GPC5: variants seen among roughly 807,000 people sequenced by gnomAD.
The protein encoded by GPC5 is glypican 5.
Under a neutral mutation model 53.9 loss-of-function variants are expected in GPC5, and 47 were observed. The ratio of observed to expected loss-of-function variants is 0.87; its 90% CI spans 0.69 to 1.11. GPC5 has a LOEUF of 1.11. Ranked by LOEUF, GPC5 falls within the 50% of genes most tolerant of loss-of-function variation. The probability of loss-of-function intolerance (pLI) is 0.00; values close to 1 mark genes in which losing one functional copy is unlikely to be tolerated. For missense variants in GPC5, 748 were observed against 713.1 expected (o/e 1.05, Z -0.56); for synonymous variants, 286 against 263.3 (o/e 1.09, Z -0.84).
At chr13:92,169,802 G>T (rs932841301) in intron 7 of GPC5, among the ~76,000 whole-genome samples, 16 of 151,972 alleles carry the variant, frequency 1.1e-4, no homozygotes, top group African/African-American at 3.6e-4. Flanking sequence ...TTCTTAGTGA[G>T]AAAATTAAAA....
chr13:91,454,474 C>A (rs1881401541), intron 2 of GPC5, among the ~76,000 whole-genome samples: 1 of 151,926 alleles, frequency 6.6e-6, no homozygotes, highest in Admixed American at 6.6e-5. Context: ...TGAAACAGTT[C>A]TTGATTTTAT....
At chr13:91,474,936 A>G (rs182627993) in intron 2 of GPC5, among the ~76,000 whole-genome samples, 7 of 152,164 alleles carry the variant, frequency 4.6e-5, no homozygotes, top group Admixed American at 1.3e-4. Context: ...ATAATATATT[A>G]ATGCTCTGGT....
At chr13:91,878,751 G>A (rs148710940) in intron 5 of GPC5, among the ~76,000 whole-genome samples, 34 of 152,212 alleles carry the variant, frequency 2.2e-4, no homozygotes, top group African/African-American at 7.9e-4. Flanking sequence ...ATGATTGTAA[G>A]TTTCCTGAGA....
chr13:92,696,511 G>A (rs1199851104), intron 7 of GPC5, among the ~76,000 whole-genome samples: 1 of 152,154 alleles, frequency 6.6e-6, no homozygotes, highest in African/African-American at 2.4e-5. Context: ...AGAAGCATCT[G>A]TTCATAGCCT....
At chr13:92,296,984 C>T (rs879914454) in intron 7 of GPC5, among the ~76,000 whole-genome samples, 16 of 152,220 alleles carry the variant, frequency 1.1e-4, no homozygotes, top group Admixed American at 2.0e-4. Flanking sequence ...CGAGCCTCCC[C>T]GACGAGCACC....
At chr13:92,169,945 A>G (rs2042057630) in intron 7 of GPC5, among the ~76,000 whole-genome samples, 1 of 152,012 alleles carries the variant, frequency 6.6e-6, no homozygotes, top group African/African-American at 2.4e-5. Context: ...ATATTTTCTT[A>G]ATTTAAAATA....
chr13:91,436,779 C>T (rs1385025658), intron 1 of GPC5, among the ~76,000 whole-genome samples: 1 of 152,114 alleles, frequency 6.6e-6, no homozygotes, highest in Non-Finnish European at 1.5e-5. Flanking sequence ...CTAATGTTGA[C>T]AGTGGGGTGT....
chr13:91,696,435 C>G (rs1202085068), intron 3 of GPC5, among the ~76,000 whole-genome samples: 2 of 152,054 alleles, frequency 1.3e-5, no homozygotes, highest in Non-Finnish European at 2.9e-5. Context: ...TTTTAAATTC[C>G]TTGAAAATTG....
At chr13:91,455,105 T>C (rs1397409086) in intron 2 of GPC5, among the ~76,000 whole-genome samples, 1 of 152,134 alleles carries the variant, frequency 6.6e-6, no homozygotes, top group Admixed American at 6.6e-5. Flanking sequence ...TGACGTTTAT[T>C]CATTCTTCTG....
At chr13:91,541,603 T>TA (rs2029931673) in intron 2 of GPC5, among the ~76,000 whole-genome samples, 1 of 152,098 alleles carries the variant, frequency 6.6e-6, no homozygotes, top group Admixed American at 6.5e-5. Context: ...TATTCTTCAG[T>TA]ATAAATATTA....
chr13:91,770,243 C>A (rs1244790662), intron 5 of GPC5, among the ~76,000 whole-genome samples: 14 of 152,096 alleles, frequency 9.2e-5, no homozygotes, highest in Admixed American at 9.2e-4. Flanking sequence ...TGCCATCCTC[C>A]CAGCATTTTC....
intron 6 of GPC5, among the ~76,000 whole-genome samples, chr13:92,080,707 TA>T (rs2041288253): frequency 6.6e-6 from 1 of 152,232 alleles, no homozygotes; most frequent in Non-Finnish European, 1.5e-5. Flanking sequence ...TCTTAAAATA[TA>T]ATTCTCATGG....
intron 7 of GPC5, among the ~76,000 whole-genome samples, chr13:92,488,785 A>G (rs958611132): frequency 6.6e-6 from 1 of 152,224 alleles, no homozygotes; most frequent in African/African-American, 2.4e-5. Flanking sequence ...AAGCTTTGAA[A>G]GTGAAATTGA....
intron 7 of GPC5, among the ~76,000 whole-genome samples, chr13:92,524,419 GTCTA>G (rs1431000027): frequency 3.3e-5 from 5 of 152,160 alleles, no homozygotes; most frequent in Non-Finnish European, 7.4e-5. Context: ...AGGAAAAAAA[GTCTA>G]TCTATGTTCA....
At chr13:91,594,826 T>C (rs974770979) in intron 2 of GPC5, among the ~76,000 whole-genome samples, 3 of 151,774 alleles carry the variant, frequency 2.0e-5, no homozygotes, top group African/African-American at 7.3e-5. Flanking sequence ...CTAGAGGGCA[T>C]ACCACCATCT....
chr13:92,590,930 G>A (rs778102469), intron 7 of GPC5, among the ~76,000 whole-genome samples: 1 of 152,056 alleles, frequency 6.6e-6, no homozygotes. Flanking sequence ...ATGTGCCCTG[G>A]CCCTGTCCTT....
intron 7 of GPC5, among the ~76,000 whole-genome samples, chr13:92,541,099 T>G (rs1038421483): frequency 3.9e-5 from 6 of 152,004 alleles, no homozygotes; most frequent in African/African-American, 1.2e-4. Context: ...TTTATGAAGG[T>G]TATGGCATAG....
chr13:92,770,797 C>T (rs916529454), intron 7 of GPC5, among the ~76,000 whole-genome samples: 1 of 152,120 alleles, frequency 6.6e-6, no homozygotes, highest in Non-Finnish European at 1.5e-5. Context: ...TTATTTCAAC[C>T]TTCCGTTTTA....
At chr13:92,761,743 T>A (rs1167124931) in intron 7 of GPC5, among the ~76,000 whole-genome samples, 1 of 152,212 alleles carries the variant, frequency 6.6e-6, no homozygotes, top group Non-Finnish European at 1.5e-5. Context: ...AAGGGCTTAC[T>A]ACTGGCATTT....
Sources: gnomAD v4.1 joint callset for allele counts (sites outside exome capture counted in the v4.1 genomes callset) on GRCh38, gnomAD v4.1.1 for gene constraint, MANE v1.5 for transcripts, NCBI Gene and HGNC (gene_info 2026-07-23, HGNC 2026-07-21) for gene names.